EFCAB6: variants seen among roughly 807,000 people sequenced by gnomAD.
The protein encoded by EFCAB6 is EF-hand calcium binding domain 6, also known as EF-hand calcium-binding domain-containing protein 6.
Under a neutral mutation model 169.8 loss-of-function variants are expected in EFCAB6, and 156 were observed. The ratio of observed to expected loss-of-function variants is 0.92; its 90% CI spans 0.81 to 1.05. The LOEUF is 1.05. EFCAB6 is among the 50% of genes least tolerant of loss of function. EFCAB6 has a pLI of 0.00. For synonymous variants in EFCAB6, 698 were observed against 676.4 expected (o/e 1.03, Z -0.50); for missense variants, 1,800 against 1,829.1 (o/e 0.98, Z 0.29).
At chr22:43,793,634 A>G (rs1157433078) in intron 2 of EFCAB6, among the ~76,000 whole-genome samples, 1 of 152,224 alleles carries the variant, frequency 6.6e-6, no homozygotes, top group Non-Finnish European at 1.5e-5. Flanking sequence ...AGCATCTCCA[A>G]CTAACACTAC....
chr22:43,797,386 T>C (rs2062549256), intron 2 of EFCAB6: 1 of 152,580 alleles, frequency 6.6e-6, no homozygotes, highest in Non-Finnish European at 1.5e-5. Context: ...TTAGCACAGA[T>C]TGGCGGACAG....
chr22:43,576,749 A>C (rs2050281560), intron 25 of EFCAB6, among the ~76,000 whole-genome samples: 1 of 152,168 alleles, frequency 6.6e-6, no homozygotes, highest in Admixed American at 6.5e-5. Flanking sequence ...AAGGAGAATA[A>C]AGAGGAATCC....
intron 26 of EFCAB6, among the ~76,000 whole-genome samples, chr22:43,563,701 G>C (rs951663185): frequency 6.6e-6 from 1 of 152,244 alleles, no homozygotes; most frequent in African/African-American, 2.4e-5. Flanking sequence ...ATTTCTGCAG[G>C]AGTTGGGAAC....
At chr22:43,575,545 C>A (rs1199115694) in intron 26 of EFCAB6, among the ~76,000 whole-genome samples, 1 of 151,906 alleles carries the variant, frequency 6.6e-6, no homozygotes, top group African/African-American at 2.4e-5. Context: ...AACATATTAA[C>A]ATGGATAAAT....
At chr22:43,806,058 C>A (rs757780831) in intron 2 of EFCAB6, among the ~76,000 whole-genome samples, 2 of 151,532 alleles carry the variant, frequency 1.3e-5, no homozygotes, top group African/African-American at 2.4e-5. Flanking sequence ...CCCAGCTACT[C>A]GGGAGGCTAA....
intron 10 of EFCAB6, among the ~76,000 whole-genome samples, chr22:43,690,517 G>GAAA (rs143792481): frequency 7.5e-6 from 1 of 132,878 alleles, no homozygotes; most frequent in African/African-American, 2.8e-5. Flanking sequence ...CTCCGTCTCA[G>GAAA]AAAAAAAAAA....
At chr22:43,779,853 A>G (rs559984186) in intron 3 of EFCAB6, among the ~76,000 whole-genome samples, 1 of 152,206 alleles carries the variant, frequency 6.6e-6, no homozygotes, top group Non-Finnish European at 1.5e-5. Flanking sequence ...GCACTAAGGC[A>G]GATAGAAGGT....
chr22:43,540,621 C>G (rs1443145811), intron 27 of EFCAB6: 1 of 1,298,092 alleles, frequency 7.7e-7, no homozygotes, highest in Non-Finnish European at 1.0e-6. Flanking sequence ...TCAGTGAGCA[C>G]TTTAAGGCCA....
intron 2 of EFCAB6, among the ~76,000 whole-genome samples, chr22:43,784,318 C>T (rs1285942947): frequency 2.0e-5 from 3 of 151,440 alleles, no homozygotes; most frequent in Non-Finnish European, 2.9e-5. Context: ...GAATGTGTTG[C>T]CAGCAGACTT....
chr22:43,687,421 T>A, intron 11 of EFCAB6, 50 bp downstream of exon 11: 2 of 1,085,276 alleles, frequency 1.8e-6, no homozygotes, highest in Non-Finnish European at 2.6e-6. Flanking sequence ...ATATTTTACA[T>A]ATTATGATAT....
Position 43,537,187 on chromosome 22 carries a change from G to A in EFCAB6, c.4048+190C>T, listed in dbSNP as rs758316521. On this transcript the variant is annotated intron_variant, in intron 29 of 31. Coordinates refer to ENST00000262726, the MANE Select transcript of EFCAB6 (RefSeq NM_022785.4). The surrounding 1 kb of genome is among the most constrained non-coding windows in gnomAD (Gnocchi z 4.3). Reference sequence around the variant, plus strand: ...AGATGGGCCCCCTGCTGGGAGGGCCGGGTAGTCGGAATCCTCCTCCATGGG... The same window carrying A: ...AGATGGGCCCCCTGCTGGGAGGGCCAGGTAGTCGGAATCCTCCTCCATGGG... The A allele has an allele frequency of 3.5e-5, 21 of 607,798 alleles. No homozygotes were observed. The highest frequency in any genetic ancestry group is 6.1e-5 in the Admixed American group (2 of 32,762). 37.7% of individuals were successfully genotyped at this position (607,798 alleles called of 1,614,324 possible).
chr22:43,743,785 G>A (rs991372139), intron 6 of EFCAB6, among the ~76,000 whole-genome samples: 1 of 152,136 alleles, frequency 6.6e-6, no homozygotes, highest in African/African-American at 2.4e-5. Flanking sequence ...GAAAACAGAA[G>A]CCTAGAGATG....
rs977534036 is a variant in EFCAB6, at chr22:43,795,296, T to C, written c.-7-12971A>G. On this transcript the variant is annotated intron_variant, in intron 2 of 31. Coordinates refer to ENST00000262726, the MANE Select transcript of EFCAB6 (RefSeq NM_022785.4). The surrounding 1 kb of genome is among the most constrained non-coding windows in gnomAD (Gnocchi z 4.2). ...TGAATACAACGATATAAAAATATAT[T>C]GTCACAAATAGACAGGGACTAGAAG... is the stretch of plus-strand genomic sequence containing the variant. Among the ~76,000 whole-genome samples, 2 of 152,204 alleles carry C rather than the reference T, an allele frequency of 1.3e-5. No homozygotes were observed. Among genetic ancestry groups the C allele is most frequent in the Admixed American group, 1.3e-4 (2 of 15,282 alleles).
chr22:43,598,565 T>C (rs1420006318), intron 23 of EFCAB6, among the ~76,000 whole-genome samples: 6 of 152,186 alleles, frequency 3.9e-5, no homozygotes, highest in Non-Finnish European at 7.3e-5. Flanking sequence ...TAAAATGTTA[T>C]ATTGAAGTAC....
intron 20 of EFCAB6, among the ~76,000 whole-genome samples, chr22:43,626,033 A>C (rs1379040189): frequency 2.6e-5 from 4 of 152,218 alleles, no homozygotes; most frequent in Admixed American, 1.3e-4. Flanking sequence ...ACATAGAAAA[A>C]TAAGTATATG....
chr22:43,552,035 A>T (rs183744688), intron 27 of EFCAB6: 1 of 151,958 alleles, frequency 6.6e-6, no homozygotes, highest in East Asian at 1.9e-4. Context: ...GTTTCACCAT[A>T]TTGGCCAGGC....
At chr22:43,751,736 T>C (rs533650279) in intron 6 of EFCAB6, among the ~76,000 whole-genome samples, 5 of 152,316 alleles carry the variant, frequency 3.3e-5, no homozygotes, top group African/African-American at 1.2e-4. Context: ...ACAGAAAGAC[T>C]TCTCTCTGTG....
At chr22:43,667,959 C>T (rs2057336307) in intron 16 of EFCAB6, among the ~76,000 whole-genome samples, 1 of 152,158 alleles carries the variant, frequency 6.6e-6, no homozygotes. Context: ...TCTATTCCTT[C>T]CCCGCTGCGT....
chr22:43,682,367 A>G (rs1303646050), intron 12 of EFCAB6, among the ~76,000 whole-genome samples: 3 of 152,228 alleles, frequency 2.0e-5, no homozygotes, highest in African/African-American at 7.2e-5. Context: ...ATTGATCTCA[A>G]GTTGAATAGC....
Sources: gnomAD v4.1 joint callset for allele counts (sites outside exome capture counted in the v4.1 genomes callset) on GRCh38, gnomAD v4.1.1 for gene constraint, Gnocchi (gnomAD v3.1) non-coding constraint, MANE v1.5 for transcripts, NCBI Gene and HGNC (gene_info 2026-07-23, HGNC 2026-07-21) for gene names.